Variants in DCLRE1A observed in about 807,000 individuals in gnomAD.
DCLRE1A encodes DNA cross-link repair 1A protein.
Under a neutral mutation model 91.9 loss-of-function variants are expected in DCLRE1A, and 64 were observed. The observed-to-expected ratio is 0.70, with a 90% confidence interval of 0.57 to 0.86. The LOEUF is 0.86. DCLRE1A is among the 40% of genes least tolerant of loss of function. The pLI is 0.00. For missense variants in DCLRE1A, 1,145 were observed against 1,213.3 expected (o/e 0.94, Z 0.84); for synonymous variants, 416 against 431.1 (o/e 0.96, Z 0.43).
intron 4 of DCLRE1A, among the ~76,000 whole-genome samples, 163 bp from the exon 5 acceptor site, chr10:113,844,407 T>C (rs1400173820): frequency 6.6e-6 from 1 of 152,142 alleles, no homozygotes; most frequent in East Asian, 1.9e-4. Context: ...ATTTACATCA[T>C]AAAAAGAACT....
chr10:113,851,519 C>T lies in DCLRE1A; in HGVS notation c.461-875G>A, dbSNP rs199800689. Among the ~76,000 whole-genome samples, 5 of 152,110 alleles carry T rather than the reference C, an allele frequency of 3.3e-5. No individual in the cohort carries two copies. In the East Asian group the frequency reaches 7.7e-4, roughly 23 times the overall value. On this transcript the variant is annotated intron_variant, in intron 1 of 8. Transcript: ENST00000361384. ...TAAATCATCACAACAACCTGTTCTC[C>T]ATATGTATTCCAAGTAGGATTTTCT...
chr10:113,853,295 A>G lies in DCLRE1A; in HGVS notation c.-113T>C, dbSNP rs1451743597. The G allele has an allele frequency of 1.9e-6, 2 of 1,047,052 alleles. No individual in the cohort carries two copies. Among genetic ancestry groups the G allele is most frequent in the African/African-American group, 3.2e-5 (2 of 61,786 alleles). 64.9% of individuals were successfully genotyped at this position (1,047,052 alleles called of 1,614,324 possible). ...TTTTGCTGAGAAAAAAAACAAAGGT[A>G]ACAAAACCCCCACCAACTCAATGGG... On this transcript the variant is annotated 5_prime_UTR_variant, in exon 1 of 9. Coordinates refer to ENST00000361384, the MANE Select transcript of DCLRE1A (RefSeq NM_014881.5).
intron 1 of DCLRE1A, among the ~76,000 whole-genome samples, chr10:113,851,913 T>C (rs888292384): frequency 1.3e-5 from 2 of 152,148 alleles, no homozygotes; most frequent in African/African-American, 2.4e-5. Flanking sequence ...GGTTTCACCA[T>C]GTTGCACAGG....
chr10:113,850,461 GA>G lies in DCLRE1A; in HGVS notation c.643del (p.Ser215ArgfsTer16). On this transcript the variant is annotated frameshift_variant, in exon 2 of 9. Coordinates refer to ENST00000361384, the MANE Select transcript of DCLRE1A (RefSeq NM_014881.5). LOFTEE classifies it high-confidence loss of function. ...CGAGTTATCAGTTTGGTTCTGATAC[GA>G]AGACCATCTTTCCTCAAGGCTACAA... Reference protein sequence around the residue: ...VLCSLEERWSSYQNQTDNSVS... With the variant: ...VLCSLEERWSXYQNQTDNSVS... 6.2e-7 allele frequency: 1 copy of G among 1,614,134 alleles called. No homozygotes were observed. Among genetic ancestry groups the G allele is most frequent in the Non-Finnish European group, 8.5e-7 (1 of 1,180,012 alleles).
chr10:113,842,231 T>C, intron 6 of DCLRE1A, 112 bp downstream of exon 6: 1 of 921,514 alleles, frequency 1.1e-6, no homozygotes, highest in Non-Finnish European at 1.5e-6. Flanking sequence ...TAATATTGAA[T>C]CATTACAGGA....
rs541560439 is a variant in DCLRE1A, at chr10:113,835,865, A to C, written c.2963-553T>G. 1.2e-4 allele frequency among the ~76,000 whole-genome samples: 18 copies of C among 152,148 alleles called. No homozygotes were observed. In the East Asian group the frequency reaches 3.3e-3, roughly 28 times the overall value. The stretch of plus-strand genomic sequence containing the variant: ...CAGAAGAATTGCTTGAACCCAGTAG[A>C]TGGAGGTTGCAGTGAGCCGAGATCG... On this transcript the variant is annotated intron_variant, in intron 8 of 8. Transcript: ENST00000361384.
At chr10:113,847,966 T>C (rs556816297) in intron 2 of DCLRE1A, among the ~76,000 whole-genome samples, 3 of 152,284 alleles carry the variant, frequency 2.0e-5, no homozygotes, top group Non-Finnish European at 2.9e-5. Context: ...TAAATAAGCA[T>C]AACTTCCCAA....
intron 3 of DCLRE1A, among the ~76,000 whole-genome samples, chr10:113,846,532 T>C (rs754601153): frequency 6.6e-6 from 1 of 152,094 alleles, no homozygotes; most frequent in Non-Finnish European, 1.5e-5. Flanking sequence ...ATGATACCAA[T>C]CCCAATATGG....
chr10:113,849,183 G>A lies in DCLRE1A; in HGVS notation c.1922C>T (p.Ser641Leu). The A allele has an allele frequency of 1.2e-6, 2 of 1,613,914 alleles. No homozygotes were observed. The highest frequency in any genetic ancestry group is 1.7e-6 in the Non-Finnish European group (2 of 1,179,914). ...ACACGCTCCTTCCTGCAGTGAATTT[G>A]ACTTTCTACATCTCTTTTTTTGACG... ...SQRQKKRCRK[S>L]NSLQEGACQK... Residue 641 changes from serine (S) to leucine (L), a missense_variant, in exon 2 of 9, where the codon TCA becomes TTA. By Grantham distance (145) the Ser-to-Leu change is moderately radical. Transcript: ENST00000361384.
At chr10:113,835,942 T>TA (rs548270350) in intron 8 of DCLRE1A, among the ~76,000 whole-genome samples, 32 of 151,116 alleles carry the variant, frequency 2.1e-4, no homozygotes, top group East Asian at 1.4e-3. Flanking sequence ...CTCAAAAAAT[T>TA]AAAAAAAAAT....
rs749021441 is a variant in DCLRE1A, at chr10:113,849,443, C to A, written c.1662G>T (p.Met554Ile). Residue 554 changes from methionine to isoleucine, a missense_variant, in exon 2 of 9, where the codon ATG (methionine) becomes ATT (isoleucine). By Grantham distance (10) the Met-to-Ile change is conservative. Transcript: ENST00000361384. ...AATACACACCTATATCCATTTGCTT[C>A]ATTACCTTGGTAGAAGGATGTCTTG... ...YNARHPSTKV[M>I]KQMDIGVYFG... The A allele has an allele frequency of 1.7e-5, 27 of 1,613,996 alleles. No individual in the cohort carries two copies. Among genetic ancestry groups the A allele is most frequent in the Non-Finnish European group, 2.1e-5 (25 of 1,180,018 alleles).
chr10:113,848,890 CAT>C, intron 2 of DCLRE1A, 88 bp downstream of exon 2: 1 of 1,214,364 alleles, frequency 8.2e-7, no homozygotes. Flanking sequence ...AAAATTGTCT[CAT>C]ACACACACAC....
chr10:113,849,044 G>C lies in DCLRE1A; in HGVS notation c.2061C>G (p.Ile687Met), dbSNP rs1177120474. ...ATCCTCCTACATTAGATGACTCTGG[G>C]ATTTTCTTGTTGCCCCTTTGCAGCC... ...HGGLQRGNKK[I>M]PESSNVGGSR... Residue 687 changes from isoleucine (I) to methionine (M), a missense_variant, in exon 2 of 9, where the codon ATC (isoleucine) becomes ATG (methionine). Transcript: ENST00000361384. 1.7e-5 allele frequency: 28 copies of C among 1,613,942 alleles called. No individual in the cohort carries two copies. The highest frequency in any genetic ancestry group is 2.4e-5 in the Non-Finnish European group (28 of 1,179,994).
Position 113,853,209 on chromosome 10 carries a change from G to C in DCLRE1A, c.-27C>G, listed in dbSNP as rs1220948405. ...GCAAAATGATTTTATCATTCAAGAA[G>C]TATTAATCTTAAGTAAACTGAAAGT... is the stretch of plus-strand genomic sequence containing the variant. On this transcript the variant is annotated 5_prime_UTR_variant, in exon 1 of 9. Coordinates refer to ENST00000361384, the MANE Select transcript of DCLRE1A (RefSeq NM_014881.5). 3.4e-6 allele frequency: 5 copies of C among 1,491,120 alleles called. No individual in the cohort carries two copies. Among genetic ancestry groups the C allele is most frequent in the Admixed American group, 2.4e-5 (1 of 41,654 alleles). 92.4% of individuals were successfully genotyped at this position (1,491,120 alleles called of 1,614,324 possible).
rs768318928 is a variant in DCLRE1A at position 113,849,857 on chromosome 10, C to T, written c.1248G>A (p.Gly416=). 5 of 1,613,980 alleles carry T rather than the reference C, an allele frequency of 3.1e-6. No homozygotes were observed. The South Asian group carries it at 4.4e-5, about 14-fold the overall frequency. Residue 416 remains glycine (G), a synonymous_variant, in exon 2 of 9, where the codon GGG becomes GGA. Transcript: ENST00000361384. The part of the protein sequence containing the change: ...DFVLFPPALA[G]KLAASVHQAT... ...CCTGATGAACAGAAGCAGCAAGCTT[C>T]CCTGCCAATGCAGGTGGAAACAACA...
At chr10:113,836,281 A>G (rs1441775244) in intron 8 of DCLRE1A, among the ~76,000 whole-genome samples, 1 of 152,178 alleles carries the variant, frequency 6.6e-6, no homozygotes, top group Admixed American at 6.5e-5. Context: ...ACTTAATAAC[A>G]TGCATTTCCA....
chr10:113,842,308 T>C (rs1237882276), intron 6 of DCLRE1A, 35 bp downstream of exon 6: 12 of 1,542,616 alleles, frequency 7.8e-6, no homozygotes, highest in Non-Finnish European at 8.8e-6. Context: ...ATCTTTATAA[T>C]ATATTAATGT....
At chr10:113,840,825 T>C (rs911641621) in intron 7 of DCLRE1A, among the ~76,000 whole-genome samples, 2 of 152,224 alleles carry the variant, frequency 1.3e-5, no homozygotes, top group African/African-American at 4.8e-5. Flanking sequence ...AATGTTAGTA[T>C]ATGGAATAAA....
chr10:113,848,429 G>A (rs1845577735), intron 2 of DCLRE1A, among the ~76,000 whole-genome samples: 1 of 152,090 alleles, frequency 6.6e-6, no homozygotes, highest in South Asian at 2.1e-4. Flanking sequence ...ACAAATTATA[G>A]ATCTAGAACA....
Sources: allele counts gnomAD v4.1 joint callset (sites outside exome capture counted in the v4.1 genomes callset), GRCh38; gene constraint gnomAD v4.1.1; transcripts MANE v1.5; gene names NCBI Gene and HGNC (gene_info 2026-07-23, HGNC 2026-07-21).